The following EHMT1 variants were observed in gnomAD, a reference collection of about 807,000 sequenced individuals.
EHMT1 encodes the protein euchromatic histone lysine methyltransferase 1.
In EHMT1, 15 loss-of-function variants were observed where a neutral mutation model predicts 147.2. The ratio of observed to expected loss-of-function variants is 0.10; its 90% CI spans 0.07 to 0.16. The LOEUF is 0.16. Ranked by LOEUF, EHMT1 falls within the 10% of genes least tolerant of loss-of-function variation. EHMT1 has a pLI of 1.00. For synonymous variants in EHMT1, 795 were observed against 709.6 expected (o/e 1.12, Z -1.91); for missense variants, 1,587 against 1,772.4 (o/e 0.90, Z 1.88).
chr9:137,792,176 C>T, intron 16 of EHMT1: 2 of 457,008 alleles, frequency 4.4e-6, no homozygotes, highest in Non-Finnish European at 9.0e-6. Flanking sequence ...TATATACGGC[C>T]ACAGTAATGA....
At chr9:137,728,671 T>G in intron 4 of EHMT1, 142 bp downstream of exon 4, 1 of 1,107,762 alleles carries the variant, frequency 9.0e-7, no homozygotes, top group Non-Finnish European at 1.3e-6. Flanking sequence ...CCTCCTGTGC[T>G]CGCCTGTATG....
At chr9:137,697,025 G>C (rs888911273) in intron 1 of EHMT1, 1 of 290,094 alleles carries the variant, frequency 3.4e-6, no homozygotes, top group Non-Finnish European at 7.2e-6. Flanking sequence ...TCACACCTGT[G>C]ATCCCAGCAC....
intron 1 of EHMT1, among the ~76,000 whole-genome samples, chr9:137,689,560 G>T (rs1341377249): frequency 3.3e-5 from 5 of 151,960 alleles, no homozygotes; most frequent in African/African-American, 7.3e-5. Flanking sequence ...AAAATTAGCC[G>T]GGTGCAGTGG....
At chr9:137,805,296 C>G (rs1953854010) in intron 18 of EHMT1, among the ~76,000 whole-genome samples, 1 of 152,126 alleles carries the variant, frequency 6.6e-6, no homozygotes, top group African/African-American at 2.4e-5. Flanking sequence ...AGTCAGTCAT[C>G]TGCATGTCTG....
chr9:137,707,006 G>A (rs1054407789), intron 1 of EHMT1, among the ~76,000 whole-genome samples: 5 of 151,896 alleles, frequency 3.3e-5, no homozygotes, highest in Admixed American at 3.3e-4. Context: ...TATATTTTTA[G>A]TAGAGACGGG....
chr9:137,748,511 C>T (rs561547856), intron 6 of EHMT1, among the ~76,000 whole-genome samples: 15 of 152,258 alleles, frequency 9.9e-5, no homozygotes, highest in Non-Finnish European at 1.6e-4. Flanking sequence ...GGAACGGAAC[C>T]GCCATGCCTT....
Position 137,828,336 on chromosome 9 carries a change from G to A in EHMT1, c.3541-6013G>A, listed in dbSNP as rs1006001898. On this transcript the variant is annotated intron_variant, in intron 25 of 26. Transcript: ENST00000460843. The surrounding 1 kb of genome is among the most constrained non-coding windows in gnomAD (Gnocchi z 5.3). ...CCCTGGACATGCCCTGGGGTGGGGGGTGGGGGGCAGCACATGCCAGGCTGC... is the reference window on the plus strand; with the variant it reads ...CCCTGGACATGCCCTGGGGTGGGGGATGGGGGGCAGCACATGCCAGGCTGC... Among the ~76,000 whole-genome samples the A allele has an allele frequency of 2.7e-5, 4 of 150,368 alleles. No individual in the cohort carries two copies. The highest frequency in any genetic ancestry group is 2.0e-4 in the Admixed American group (3 of 15,168).
intron 1 of EHMT1, among the ~76,000 whole-genome samples, chr9:137,645,185 T>A (rs1844798843): frequency 6.6e-6 from 1 of 152,278 alleles, no homozygotes; most frequent in Admixed American, 6.5e-5. Context: ...TTTAGCTGTA[T>A]TAGTTCCCCA....
intron 10 of EHMT1, chr9:137,763,900 A>G (rs1218200695): frequency 6.6e-6 from 1 of 152,382 alleles, no homozygotes; most frequent in Non-Finnish European, 1.5e-5. Context: ...GTCGGGGAGC[A>G]TGGGCAACAC....
chr9:137,672,209 TTTTG>T (rs1213546419), intron 1 of EHMT1, among the ~76,000 whole-genome samples: 1 of 152,250 alleles, frequency 6.6e-6, no homozygotes, highest in Non-Finnish European at 1.5e-5. Context: ...ACCGTATCAC[TTTTG>T]TTTCTTTTTT....
intron 1 of EHMT1, among the ~76,000 whole-genome samples, chr9:137,676,716 T>C (rs533288506): frequency 6.6e-6 from 1 of 152,090 alleles, no homozygotes; most frequent in South Asian, 2.1e-4. Flanking sequence ...GGGAAGTGGG[T>C]GGAGCCACAG....
chr9:137,669,456 C>CTGGAG (rs1564562972), intron 1 of EHMT1, among the ~76,000 whole-genome samples: 1 of 3,312 alleles, frequency 3.0e-4, no homozygotes, highest in Non-Finnish European at 7.0e-4. Flanking sequence ...CGTGCACTCA[C>CTGGAG]CTCCACCCAA....
At chr9:137,701,874 A>G (rs1262927794) in intron 1 of EHMT1, among the ~76,000 whole-genome samples, 1 of 151,106 alleles carries the variant, frequency 6.6e-6, no homozygotes, top group Non-Finnish European at 1.5e-5. Flanking sequence ...GCTCACTGCA[A>G]CCTCTGCCTC....
chr9:137,787,931 C>T lies in EHMT1; in HGVS notation c.2383-2917C>T. 4 of 1,499,116 alleles carry T rather than the reference C, an allele frequency of 2.7e-6. No homozygotes were observed. The highest frequency in any genetic ancestry group is 1.9e-6 in the Non-Finnish European group (2 of 1,080,954). 92.9% of individuals were successfully genotyped at this position (1,499,116 alleles called of 1,614,324 possible). On this transcript the variant is annotated intron_variant, in intron 15 of 26. Transcript: ENST00000460843. This position sits in a 1 kb window ranked among gnomAD's most constrained non-coding sequence, Gnocchi z 4.2. ...AGATTGGCAAGTAGGAGGTGGGCAGCTGCCCCCAGAGGGAGGCCCTGTGTC... is the reference window on the plus strand; with the variant it reads ...AGATTGGCAAGTAGGAGGTGGGCAGTTGCCCCCAGAGGGAGGCCCTGTGTC...
chr9:137,621,926 C>G (rs1321165737), intron 1 of EHMT1, among the ~76,000 whole-genome samples: 3 of 150,644 alleles, frequency 2.0e-5, no homozygotes, highest in Admixed American at 6.6e-5. Flanking sequence ...AAAAGCTGTT[C>G]TCATCTCCTG....
chr9:137,815,990 T>C lies in EHMT1; in HGVS notation c.3302T>C (p.Leu1101Ser). 1 of 1,612,402 alleles carries C rather than the reference T, an allele frequency of 6.2e-7. No homozygotes were observed. The highest frequency in any genetic ancestry group is 2.2e-5 in the East Asian group (1 of 44,832). ...GAGTTCAACATGGCGGAGCCTCCCT[T>C]GATCTTCGAATGCAACCACGCGTGC... Reference protein sequence around the residue: ...LPEFNMAEPPLIFECNHACSC... With the variant: ...LPEFNMAEPPSIFECNHACSC... The change falls in exon 23 of 27, where the codon TTG becomes TCG. Residue 1101 changes from leucine (L) to serine (S), a missense_variant. Coordinates refer to ENST00000460843, the MANE Select transcript of EHMT1 (RefSeq NM_024757.5).
At chr9:137,631,338 C>G (rs957773888) in intron 1 of EHMT1, among the ~76,000 whole-genome samples, 14 of 151,080 alleles carry the variant, frequency 9.3e-5, no homozygotes, top group African/African-American at 3.4e-4. Flanking sequence ...GTTGCAGTGA[C>G]CTGAGATCGT....
Position 137,643,831 on chromosome 9 carries a change from C to T in EHMT1, c.21+24782C>T, listed in dbSNP as rs573677115. 2.6e-5 allele frequency among the ~76,000 whole-genome samples: 4 copies of T among 152,156 alleles called. No homozygotes were observed. The East Asian group carries it at 5.8e-4, about 22-fold the overall frequency. On this transcript the variant is annotated intron_variant, in intron 1 of 26. Transcript: ENST00000460843. ...ATGTGTGTAGGTGTGGAACTCTTTG[C>T]GTTTTTCTCATTTGGATTTGTTGAG... is the stretch of plus-strand genomic sequence containing the variant.
chr9:137,693,591 GGA>G (rs1943126483), intron 1 of EHMT1, among the ~76,000 whole-genome samples: 1 of 149,856 alleles, frequency 6.7e-6, no homozygotes, highest in African/African-American at 2.5e-5. Context: ...CAGTGGCACA[GGA>G]CGCTGGCCGA....
Sources: allele counts gnomAD v4.1 joint callset (sites outside exome capture counted in the v4.1 genomes callset), GRCh38; gene constraint gnomAD v4.1.1; non-coding constraint Gnocchi (gnomAD v3.1); transcripts MANE v1.5; gene names NCBI Gene and HGNC (gene_info 2026-07-23, HGNC 2026-07-21).